Variants in MYT1L observed in about 807,000 individuals in gnomAD.
MYT1L encodes myelin transcription factor 1 like.
A neutral mutation model predicts 126.7 loss-of-function variants in MYT1L; 12 were observed. That is an observed-to-expected ratio of 0.09 (90% confidence interval 0.06 to 0.15). The LOEUF (loss-of-function observed/expected upper bound fraction) is 0.15, where lower values mean the gene tolerates loss of function less well. MYT1L is among the 10% of genes least tolerant of loss of function. MYT1L has a pLI of 1.00. For missense variants in MYT1L, 979 were observed against 1,585.2 expected, an observed-to-expected ratio of 0.62 and a Z score of 6.49; for synonymous variants, 541 against 604.2, an observed-to-expected ratio of 0.90 and a Z score of 1.53.
chr2:2,166,419 A>G (rs2089125150), intron 3 of MYT1L, among the ~76,000 whole-genome samples: 1 of 152,234 alleles, frequency 6.6e-6, no homozygotes, highest in Non-Finnish European at 1.5e-5. Flanking sequence ...ATATTGAATA[A>G]GACTCTACAT....
chr2:2,282,249 C>G (rs2095458349), intron 2 of MYT1L, among the ~76,000 whole-genome samples: 2 of 152,190 alleles, frequency 1.3e-5, no homozygotes, highest in Non-Finnish European at 2.9e-5. Flanking sequence ...GTAGTAGGCA[C>G]TTCATACATT....
chr2:1,934,263 G>GC (rs1002465921), intron 9 of MYT1L, among the ~76,000 whole-genome samples: 1 of 140,074 alleles, frequency 7.1e-6, no homozygotes, highest in African/African-American at 2.7e-5. Flanking sequence ...GTGGGCCACA[G>GC]CCCCCCGCCT....
At chr2:2,237,474 G>T (rs1203440827) in intron 2 of MYT1L, among the ~76,000 whole-genome samples, 2 of 152,210 alleles carry the variant, frequency 1.3e-5, no homozygotes, top group Non-Finnish European at 2.9e-5. Flanking sequence ...ATGTGATTTT[G>T]TATCCTGAAG....
chr2:1,808,551 C>T (rs1029136995), intron 22 of MYT1L, among the ~76,000 whole-genome samples: 1 of 152,198 alleles, frequency 6.6e-6, no homozygotes, highest in Non-Finnish European at 1.5e-5. Flanking sequence ...CCTCCAGAGG[C>T]CCCCAGTTTT....
At chr2:2,159,186 TGACA>T (rs1404134316) in intron 3 of MYT1L, among the ~76,000 whole-genome samples, 1 of 152,036 alleles carries the variant, frequency 6.6e-6, no homozygotes, top group Non-Finnish European at 1.5e-5. Flanking sequence ...GGGGTGACGG[TGACA>T]GACCTGCTTT....
chr2:2,123,524 C>A (rs1161853904), intron 3 of MYT1L, among the ~76,000 whole-genome samples: 2 of 152,074 alleles, frequency 1.3e-5, no homozygotes, highest in Non-Finnish European at 1.5e-5. Context: ...ACTGAGTTCT[C>A]GCAAGACCTG....
intron 8 of MYT1L, among the ~76,000 whole-genome samples, chr2:1,972,201 C>A (rs549974380): frequency 6.6e-6 from 1 of 152,186 alleles, no homozygotes; most frequent in Non-Finnish European, 1.5e-5. Flanking sequence ...CCCCATTGTA[C>A]AGCAGCCACA....
At chr2:2,211,574 G>A (rs55688199) in intron 2 of MYT1L, among the ~76,000 whole-genome samples, 24,433 of 151,952 alleles carry the variant, frequency 0.16, 2,114 homozygotes, top group African/African-American at 0.22. Context: ...TTAGGAGGCC[G>A]AGGCGGGCAG....
intron 2 of MYT1L, among the ~76,000 whole-genome samples, chr2:2,215,676 C>A (rs1461240431): frequency 6.6e-6 from 1 of 152,198 alleles, no homozygotes; most frequent in Non-Finnish European, 1.5e-5. Flanking sequence ...TATCAACCAA[C>A]TAAACCTAAC....
chr2:1,855,766 G>A (rs1380059319), intron 18 of MYT1L, among the ~76,000 whole-genome samples: 2 of 151,916 alleles, frequency 1.3e-5, no homozygotes, highest in African/African-American at 2.4e-5. Flanking sequence ...AAACCCACAC[G>A]AGCTGCCCCA....
At chr2:2,137,444 A>G (rs1246158155) in intron 3 of MYT1L, among the ~76,000 whole-genome samples, 1 of 152,206 alleles carries the variant, frequency 6.6e-6, no homozygotes, top group African/African-American at 2.4e-5. Flanking sequence ...AAACTATACT[A>G]CAAGGCTACA....
intron 2 of MYT1L, among the ~76,000 whole-genome samples, chr2:2,219,258 C>T (rs1004253919): frequency 2.0e-5 from 3 of 152,048 alleles, no homozygotes; most frequent in East Asian, 1.9e-4. Context: ...ATCCTACAGC[C>T]GCTTAGTGTA....
intron 18 of MYT1L, among the ~76,000 whole-genome samples, chr2:1,878,056 G>A (rs534244571): frequency 4.6e-5 from 7 of 152,318 alleles, no homozygotes; most frequent in African/African-American, 1.7e-4. Context: ...GGTGGCCTGT[G>A]GCCCTCTCTT....
chr2:1,956,524 T>TCTAG (rs1432851301), intron 8 of MYT1L, among the ~76,000 whole-genome samples: 4 of 138,806 alleles, frequency 2.9e-5, no homozygotes, highest in Non-Finnish European at 6.1e-5. Flanking sequence ...TATCTATCTA[T>TCTAG]CTATCTATCT....
chr2:1,998,099 C>A (rs1286163570), intron 4 of MYT1L, among the ~76,000 whole-genome samples: 1 of 152,170 alleles, frequency 6.6e-6, no homozygotes, highest in African/African-American at 2.4e-5. Flanking sequence ...AACGCTGAGA[C>A]ACGGGTCAGG....
chr2:1,992,959 T>C (rs2061555277), intron 5 of MYT1L, among the ~76,000 whole-genome samples: 2 of 152,184 alleles, frequency 1.3e-5, no homozygotes, highest in Non-Finnish European at 2.9e-5. Context: ...CTGGCTCATC[T>C]GATCTTATGG....
At chr2:2,181,104 G>A (rs1036654328) in intron 2 of MYT1L, among the ~76,000 whole-genome samples, 1 of 151,414 alleles carries the variant, frequency 6.6e-6, no homozygotes, top group African/African-American at 2.4e-5. Flanking sequence ...ACCTGTGTGT[G>A]AACATGTATC....
chr2:1,880,369 ACT>A (rs1158515858), intron 18 of MYT1L, among the ~76,000 whole-genome samples: 2 of 152,050 alleles, frequency 1.3e-5, no homozygotes, highest in Non-Finnish European at 2.9e-5. Flanking sequence ...ACAGACTCTC[ACT>A]CTGTCACACA....
rs1274005945 is a variant in MYT1L, at chr2:1,984,050, G to A, written c.1-4273C>T. Among the ~76,000 whole-genome samples the A allele has an allele frequency of 1.3e-5, 2 of 152,158 alleles. 1 individual carries two copies. The highest frequency in any genetic ancestry group is 2.9e-5 in the Non-Finnish European group (2 of 68,018). On this transcript the variant is annotated intron_variant, in intron 5 of 24. Coordinates refer to ENST00000647738, the MANE Select transcript of MYT1L (RefSeq NM_001303052.2). Reference sequence around the variant, plus strand: ...AAGGAATCTATTTTGAGCCAATAAAGCTGTCAGGAGTGATTCATGAAGAGA... The same window carrying A: ...AAGGAATCTATTTTGAGCCAATAAAACTGTCAGGAGTGATTCATGAAGAGA...
Sources: allele counts gnomAD v4.1 joint callset (sites outside exome capture counted in the v4.1 genomes callset), GRCh38; gene constraint gnomAD v4.1.1; transcripts MANE v1.5; gene names NCBI Gene and HGNC (gene_info 2026-07-23, HGNC 2026-07-21).